Variants in CDH12 observed in about 807,000 individuals in gnomAD.
The protein encoded by CDH12 is cadherin 12.
In CDH12, 41 loss-of-function variants were observed where a neutral mutation model predicts 74.1. The observed-to-expected ratio is 0.55, with a 90% CI of 0.43 to 0.72. The LOEUF is 0.72. Ranked by LOEUF, CDH12 falls within the 30% of genes least tolerant of loss-of-function variation. The pLI, the probability that CDH12 is intolerant of heterozygous loss-of-function variation, is 0.00. For synonymous variants in CDH12, 399 were observed against 355.0 expected (o/e 1.12, Z -1.39); for missense variants, 945 against 977.2 (o/e 0.97, Z 0.44).
At chr5:22,486,273 G>A (rs1023738947) in intron 2 of CDH12, among the ~76,000 whole-genome samples, 2 of 151,958 alleles carry the variant, frequency 1.3e-5, no homozygotes, top group Admixed American at 6.6e-5. Context: ...GAACATTGTG[G>A]TCCTAGATAT....
intron 6 of CDH12, among the ~76,000 whole-genome samples, chr5:21,925,705 C>A (rs1015319899): frequency 9.9e-5 from 15 of 151,998 alleles, no homozygotes; most frequent in African/African-American, 3.6e-4. Flanking sequence ...AGAACTGTAT[C>A]CATAATTTAT....
At chr5:22,187,641 G>A (rs71609281) in intron 4 of CDH12, among the ~76,000 whole-genome samples, 43,037 of 139,640 alleles carry the variant, frequency 0.31, 7,041 homozygotes, top group South Asian at 0.38. Context: ...AAAGAACATC[G>A]ACCTTGAAAG....
intron 3 of CDH12, among the ~76,000 whole-genome samples, chr5:22,383,807 A>G (rs1741875950): frequency 6.6e-6 from 1 of 152,208 alleles, no homozygotes; most frequent in Admixed American, 6.5e-5. Context: ...ACCATAGCAG[A>G]AATCATTCAC....
At chr5:22,719,314 TAACA>T (rs1743754669) in intron 1 of CDH12, among the ~76,000 whole-genome samples, 1 of 152,154 alleles carries the variant, frequency 6.6e-6, no homozygotes, top group Admixed American at 6.5e-5. Flanking sequence ...TGTAAACAAA[TAACA>T]ATCAAAAATG....
intron 1 of CDH12, among the ~76,000 whole-genome samples, chr5:22,585,433 T>C (rs1287286299): frequency 6.6e-6 from 1 of 152,188 alleles, no homozygotes; most frequent in East Asian, 1.9e-4. Context: ...TATGGATCTG[T>C]ATCTTTAAAC....
chr5:22,153,503 G>A (rs971570592), intron 4 of CDH12, among the ~76,000 whole-genome samples: 81 of 151,454 alleles, frequency 5.3e-4, no homozygotes, highest in African/African-American at 2.0e-3. Flanking sequence ...AAACATATAA[G>A]CTCTGCAATC....
chr5:21,858,150 C>A (rs80321629), intron 6 of CDH12, among the ~76,000 whole-genome samples: 1,990 of 151,910 alleles, frequency 0.013, 40 homozygotes, highest in African/African-American at 0.045. Flanking sequence ...AGAGCTTCCA[C>A]ATATGAATTT....
chr5:21,761,856 C>T (rs1348052811), intron 12 of CDH12, among the ~76,000 whole-genome samples: 1 of 152,050 alleles, frequency 6.6e-6, no homozygotes, highest in Non-Finnish European at 1.5e-5. Flanking sequence ...TTAATTGGTC[C>T]TCTCGTATGA....
At chr5:22,163,523 T>A (rs1748483724) in intron 4 of CDH12, among the ~76,000 whole-genome samples, 1 of 152,180 alleles carries the variant, frequency 6.6e-6, no homozygotes, top group South Asian at 2.1e-4. Flanking sequence ...AGACCAAAAT[T>A]TTTTAAGTTG....
At chr5:22,809,379 TATATAAA>T (rs1161126386) in intron 1 of CDH12, among the ~76,000 whole-genome samples, 3 of 151,792 alleles carry the variant, frequency 2.0e-5, no homozygotes, top group Admixed American at 2.0e-4. Context: ...AATATAATCC[TATATAAA>T]ATATAAAATA....
chr5:22,800,049 T>A (rs1748432035), intron 1 of CDH12, among the ~76,000 whole-genome samples: 1 of 151,984 alleles, frequency 6.6e-6, no homozygotes, highest in Admixed American at 6.6e-5. Flanking sequence ...AGGAAAGAGG[T>A]CTGGGGAAAA....
intron 6 of CDH12, among the ~76,000 whole-genome samples, chr5:21,864,985 G>A (rs1195295934): frequency 6.6e-6 from 1 of 152,174 alleles, no homozygotes; most frequent in Non-Finnish European, 1.5e-5. Flanking sequence ...CAAACCAGAG[G>A]AGAGTTAATG....
intron 3 of CDH12, among the ~76,000 whole-genome samples, chr5:22,328,226 AT>A (rs1437301392): frequency 6.6e-6 from 1 of 152,226 alleles, no homozygotes; most frequent in Non-Finnish European, 1.5e-5. Context: ...TTTTAAAAAA[AT>A]ATATGTTTAG....
chr5:22,822,059 G>T (rs1450125390), intron 1 of CDH12, among the ~76,000 whole-genome samples: 2 of 152,110 alleles, frequency 1.3e-5, no homozygotes, highest in Non-Finnish European at 2.9e-5. Context: ...ACAGAACAGA[G>T]ACCTCAGAAA....
intron 3 of CDH12, among the ~76,000 whole-genome samples, chr5:22,234,288 T>G (rs1469857818): frequency 5.3e-5 from 8 of 152,064 alleles, no homozygotes; most frequent in Non-Finnish European, 1.2e-4. Context: ...TGAATTGAGC[T>G]CCCAGAATTC....
chr5:22,837,366 T>A (rs1213977575), intron 1 of CDH12, among the ~76,000 whole-genome samples: 3 of 152,058 alleles, frequency 2.0e-5, no homozygotes, highest in South Asian at 2.1e-4. Context: ...CATGATCTTG[T>A]CAGTACACTT....
At chr5:22,424,624 T>C (rs1205014900) in intron 2 of CDH12, among the ~76,000 whole-genome samples, 1 of 152,216 alleles carries the variant, frequency 6.6e-6, no homozygotes. Context: ...AGTTAACCGA[T>C]ACACATGGTA....
intron 4 of CDH12, among the ~76,000 whole-genome samples, chr5:22,194,308 C>CTTTTTTTTTTTTTTTTTTTTTTT (rs59899245): frequency 3.9e-4 from 54 of 139,798 alleles, no homozygotes; most frequent in East Asian, 8.7e-4. Flanking sequence ...CTTTTTCTTT[C>CTTTTTTTTTTTTTTTTTTTTTTT]TTTTTTTTTT....
chr5:22,377,899 T>C (rs1023393626), intron 3 of CDH12, among the ~76,000 whole-genome samples: 1 of 152,196 alleles, frequency 6.6e-6, no homozygotes, highest in Non-Finnish European at 1.5e-5. Context: ...CATACTATGC[T>C]ACATTGCTAA....
Sources: allele counts gnomAD v4.1 joint callset (sites outside exome capture counted in the v4.1 genomes callset), GRCh38; gene constraint gnomAD v4.1.1; transcripts MANE v1.5; gene names NCBI Gene and HGNC (gene_info 2026-07-23, HGNC 2026-07-21).